The following BTAF1 variants were observed in gnomAD, a reference collection of about 807,000 sequenced individuals.
BTAF1 encodes the protein TATA-binding protein-associated factor 172.
BTAF1 carries 38 observed loss-of-function variants against 227.1 expected under a neutral mutation model. The observed-to-expected ratio is 0.17, with a 90% CI of 0.13 to 0.22. The LOEUF is 0.22. BTAF1 is among the 10% of genes least tolerant of loss of function. The pLI is 1.00. For synonymous variants in BTAF1, 742 were observed against 751.9 expected (o/e 0.99, Z 0.21); for missense variants, 1,598 against 2,204.0 (o/e 0.73, Z 5.51).
At chr10:92,024,311 T>G (rs1851338968) in intron 34 of BTAF1, among the ~76,000 whole-genome samples, 1 of 152,226 alleles carries the variant, frequency 6.6e-6, no homozygotes, top group African/African-American at 2.4e-5. Context: ...TGCGGCATCT[T>G]CTTTGTCATT....
intron 24 of BTAF1, 99 bp downstream of exon 24, chr10:91,996,669 C>G: frequency 8.5e-7 from 1 of 1,169,918 alleles, no homozygotes; most frequent in Non-Finnish European, 1.2e-6. Context: ...ACATAAATAA[C>G]CTGCCTTGTT....
intron 25 of BTAF1, among the ~76,000 whole-genome samples, chr10:92,005,445 G>C (rs979459383): frequency 3.9e-5 from 6 of 152,158 alleles, no homozygotes; most frequent in Non-Finnish European, 7.4e-5. Flanking sequence ...TCCAGTCCAA[G>C]AACATTTATT....
chr10:91,992,158 C>A lies in BTAF1; in HGVS notation c.2894C>A (p.Thr965Asn). 6.2e-7 allele frequency: 1 copy of A among 1,608,008 alleles called. No individual in the cohort carries two copies. The highest frequency in any genetic ancestry group is 1.1e-5 in the South Asian group (1 of 89,720). ...AAAGATGGAATGCACCATACTGTCA[C>A]CAAGCACAGAGGTATAATTACACTC... ...SEKDGMHHTV[T>N]KHRGIITLYR... The change falls in exon 21 of 38, where the codon ACC becomes AAC. Residue 965 changes from threonine to asparagine, a missense_variant. Coordinates refer to ENST00000265990, the MANE Select transcript of BTAF1 (RefSeq NM_003972.3).
At chr10:91,969,634 A>C (rs1038499151) in intron 14 of BTAF1, among the ~76,000 whole-genome samples, 14 of 151,966 alleles carry the variant, frequency 9.2e-5, no homozygotes, top group African/African-American at 3.4e-4. Context: ...CCTTGTTCTA[A>C]AATTTTTGCT....
chr10:91,968,498 A>G (rs1001757940), intron 14 of BTAF1, among the ~76,000 whole-genome samples: 12 of 152,220 alleles, frequency 7.9e-5, no homozygotes, highest in African/African-American at 2.9e-4. Flanking sequence ...AATTGTTACA[A>G]ACATTCACGT....
At chr10:91,961,894 T>G (rs1279594085) in intron 11 of BTAF1, among the ~76,000 whole-genome samples, 1 of 152,162 alleles carries the variant, frequency 6.6e-6, no homozygotes, top group African/African-American at 2.4e-5. Context: ...TCGGTGGCAT[T>G]GAATGAGATA....
chr10:92,028,231 A>G (rs1259983859), intron 37 of BTAF1, among the ~76,000 whole-genome samples: 1 of 152,196 alleles, frequency 6.6e-6, no homozygotes, highest in African/African-American at 2.4e-5. Flanking sequence ...GGTGACTTTC[A>G]GTGACCAGAA....
In BTAF1 at chr10:91,966,584, C is replaced by T; in HGVS notation, c.1530-53C>T. The stretch of plus-strand genomic sequence containing the variant: ...CCATGAGAATATTTAGATAATGTAT[C>T]TACAGAGTTACAACTTAGAATAAGT... On this transcript the variant is annotated intron_variant, in intron 13 of 37. Coordinates refer to ENST00000265990, the MANE Select transcript of BTAF1 (RefSeq NM_003972.3). 3.2e-6 allele frequency: 5 copies of T among 1,577,040 alleles called. No homozygotes were observed. In the South Asian group the frequency reaches 5.6e-5, roughly 18 times the overall value.
chr10:91,961,120 T>C (rs1182454041), intron 11 of BTAF1, among the ~76,000 whole-genome samples: 1 of 152,144 alleles, frequency 6.6e-6, no homozygotes, highest in Non-Finnish European at 1.5e-5. Context: ...CAAATAGTTG[T>C]CTTGACTCTG....
chr10:91,963,710 T>A (rs1846689492), intron 12 of BTAF1, among the ~76,000 whole-genome samples: 1 of 152,246 alleles, frequency 6.6e-6, no homozygotes, highest in South Asian at 2.1e-4. Flanking sequence ...TGATGATTAG[T>A]ACCATTTTAA....
At chr10:91,991,359 C>T (rs1384604120) in intron 20 of BTAF1, among the ~76,000 whole-genome samples, 1 of 145,946 alleles carries the variant, frequency 6.9e-6, no homozygotes, top group Non-Finnish European at 1.5e-5. Flanking sequence ...CATGAGAGTC[C>T]CCTTGAACCT....
intron 30 of BTAF1, among the ~76,000 whole-genome samples, 170 bp downstream of exon 30, chr10:92,011,585 TAAAC>T (rs1248330037): frequency 1.3e-5 from 2 of 152,194 alleles, no homozygotes; most frequent in Non-Finnish European, 2.9e-5. Context: ...GGTTCATTGG[TAAAC>T]AAACCAGGTT....
chr10:91,928,194 G>A (rs1395195811), intron 1 of BTAF1, among the ~76,000 whole-genome samples: 3 of 152,078 alleles, frequency 2.0e-5, no homozygotes, highest in African/African-American at 4.8e-5. Flanking sequence ...TGTATTTTAT[G>A]TGGTCAAATT....
chr10:91,950,832 A>ATTTTTTTT, intron 4 of BTAF1, among the ~76,000 whole-genome samples: 1 of 132,600 alleles, frequency 7.5e-6, no homozygotes, highest in African/African-American at 2.9e-5. Flanking sequence ...ATAGAGATGT[A>ATTTTTTTT]TTTTTTTTTT....
At chr10:92,015,984 G>A (rs1436687200) in intron 32 of BTAF1, among the ~76,000 whole-genome samples, 1 of 151,954 alleles carries the variant, frequency 6.6e-6, no homozygotes, top group African/African-American at 2.4e-5. Flanking sequence ...ACTTCTAAGA[G>A]TTTCTTTTTT....
At chr10:91,933,843 T>C (rs547065068) in intron 1 of BTAF1, among the ~76,000 whole-genome samples, 5 of 152,218 alleles carry the variant, frequency 3.3e-5, no homozygotes, top group Non-Finnish European at 5.9e-5. Context: ...GAGAGAGCTC[T>C]GCATATTGGA....
At chr10:91,983,698 T>C (rs1848213881) in intron 18 of BTAF1, among the ~76,000 whole-genome samples, 1 of 152,190 alleles carries the variant, frequency 6.6e-6, no homozygotes, top group South Asian at 2.1e-4. Flanking sequence ...ACTGAGGCCA[T>C]TTCCTGTTGG....
At chr10:91,942,830 A>G (rs938501233) in intron 4 of BTAF1, among the ~76,000 whole-genome samples, 2 of 152,168 alleles carry the variant, frequency 1.3e-5, no homozygotes, top group African/African-American at 4.8e-5. Context: ...CAACAATTTT[A>G]TTATGTAGTA....
intron 32 of BTAF1, among the ~76,000 whole-genome samples, chr10:92,015,926 A>T (rs1356426593): frequency 6.6e-6 from 1 of 152,174 alleles, no homozygotes; most frequent in East Asian, 1.9e-4. Context: ...AAACATACAT[A>T]CAGGGTCTTG....
Sources: allele counts gnomAD v4.1 joint callset (sites outside exome capture counted in the v4.1 genomes callset), GRCh38; gene constraint gnomAD v4.1.1; transcripts MANE v1.5; gene names NCBI Gene and HGNC (gene_info 2026-07-23, HGNC 2026-07-21).